Variants in SLC4A4 observed in about 807,000 individuals in gnomAD.
SLC4A4 encodes the protein electrogenic sodium bicarbonate cotransporter 1.
A neutral mutation model predicts 111.5 loss-of-function variants in SLC4A4; 27 were observed. The observed-to-expected ratio is 0.24, with a 90% CI of 0.18 to 0.33. SLC4A4 has a LOEUF of 0.33. Ranked by LOEUF, SLC4A4 falls within the 10% of genes least tolerant of loss-of-function variation. The pLI, the probability that SLC4A4 is intolerant of heterozygous loss-of-function variation, is 1.00. For missense variants in SLC4A4, 909 were observed against 1,315.5 expected (o/e 0.69, Z 4.78); for synonymous variants, 443 against 463.4 (o/e 0.96, Z 0.57).
chr4:71,191,900 G>A (rs1023031706), intron 1 of SLC4A4, among the ~76,000 whole-genome samples: 5 of 151,962 alleles, frequency 3.3e-5, no homozygotes, highest in East Asian at 1.9e-4. Flanking sequence ...AATTTAACTC[G>A]AATTTCTGTA....
intron 6 of SLC4A4, among the ~76,000 whole-genome samples, chr4:71,394,936 G>A (rs1719663654): frequency 6.6e-6 from 1 of 152,044 alleles, no homozygotes; most frequent in Admixed American, 6.6e-5. Flanking sequence ...AAGTGTGGGA[G>A]GGGGTGAGGG....
intron 3 of SLC4A4, among the ~76,000 whole-genome samples, chr4:71,295,533 T>G (rs561100239): frequency 6.6e-6 from 1 of 152,326 alleles, no homozygotes; most frequent in Admixed American, 6.5e-5. Flanking sequence ...GCCTTTTCTC[T>G]CCTGCCTTTT....
At position 71,349,898 on chromosome 4, in the gene SLC4A4, T is replaced by C. The variant is rs1317558056; in HGVS notation, c.390-14T>C. ...AACACTTTTAATTGCTCTTCACTAA[T>C]CTCATCTTCCTAGGTGGATCAAGTT... On this transcript the variant is annotated splice_polypyrimidine_tract_variant and intron_variant, in intron 4 of 25. Transcript: ENST00000264485. The C allele has an allele frequency of 3.7e-6, 6 of 1,613,870 alleles. No individual in the cohort carries two copies. Among genetic ancestry groups the C allele is most frequent in the Non-Finnish European group, 5.1e-6 (6 of 1,179,816 alleles).
chr4:71,303,449 C>A lies in SLC4A4; in HGVS notation c.254-35921C>A, dbSNP rs141065655. 3.9e-5 allele frequency among the ~76,000 whole-genome samples: 6 copies of A among 152,272 alleles called. No homozygotes were observed. In the East Asian group the frequency reaches 1.2e-3, roughly 29 times the overall value. Reference sequence around the variant, plus strand: ...GTTCATGCTTAAAGGCACTTTTTATCTTCTGTTGTCTTGCTAATGGACCTC... The same window carrying A: ...GTTCATGCTTAAAGGCACTTTTTATATTCTGTTGTCTTGCTAATGGACCTC... On this transcript the variant is annotated intron_variant, in intron 3 of 25. Transcript: ENST00000264485.
chr4:71,496,531 G>A (rs1374877389), intron 15 of SLC4A4, among the ~76,000 whole-genome samples: 2 of 151,912 alleles, frequency 1.3e-5, no homozygotes, highest in East Asian at 1.9e-4. Flanking sequence ...GTCAGTAATC[G>A]GCTATGAGAG....
At chr4:71,205,658 T>C (rs1310461327) in intron 1 of SLC4A4, among the ~76,000 whole-genome samples, 1 of 152,196 alleles carries the variant, frequency 6.6e-6, no homozygotes, top group Non-Finnish European at 1.5e-5. Flanking sequence ...GGTTCCCTTA[T>C]GGACCACAAA....
chr4:71,151,982 C>T (rs2148972429), intron 2 of SLC4A4, among the ~76,000 whole-genome samples: 1 of 151,890 alleles, frequency 6.6e-6, no homozygotes, highest in Non-Finnish European at 1.5e-5. Flanking sequence ...CATGATCATG[C>T]CACTGTACTC....
chr4:71,450,329 T>G, intron 9 of SLC4A4, 60 bp from the exon 10 acceptor site: 1 of 1,155,242 alleles, frequency 8.7e-7, no homozygotes, highest in Non-Finnish European at 1.3e-6. Context: ...AGGCTTGATA[T>G]GGTGTGAAGC....
chr4:71,514,078 T>C (rs1028464632), intron 16 of SLC4A4, among the ~76,000 whole-genome samples: 1 of 152,200 alleles, frequency 6.6e-6, no homozygotes, highest in African/African-American at 2.4e-5. Context: ...TTATCAGAAG[T>C]ATTGACCTGT....
intron 2 of SLC4A4, among the ~76,000 whole-genome samples, chr4:71,134,433 C>T (rs1743791123): frequency 6.6e-6 from 1 of 152,202 alleles, no homozygotes; most frequent in South Asian, 2.1e-4. Flanking sequence ...GTTGTCTACA[C>T]CAGTTTTCCT....
chr4:71,143,195 A>G lies in SLC4A4; in HGVS notation c.-2+50403A>G, dbSNP rs1243720988. Among the ~76,000 whole-genome samples, 12 of 151,606 alleles carry G rather than the reference A, an allele frequency of 7.9e-5. No homozygotes were observed. The East Asian group carries it at 1.2e-3, about 15-fold the overall frequency. On this transcript the variant is annotated intron_variant, in intron 2 of 26. Transcript: ENST00000649996. Reference sequence around the variant, plus strand: ...TTCCCACCTATGAGTGAGAACATGCAGTGTTTGGTTTTTTGTCCTTGTGAT... The same window carrying G: ...TTCCCACCTATGAGTGAGAACATGCGGTGTTTGGTTTTTTGTCCTTGTGAT...
At chr4:71,146,266 G>A (rs1244914727) in intron 2 of SLC4A4, among the ~76,000 whole-genome samples, 3 of 152,176 alleles carry the variant, frequency 2.0e-5, no homozygotes, top group African/African-American at 4.8e-5. Context: ...TTTTGAGTGA[G>A]TTTCTTAATT....
chr4:71,423,566 C>T (rs1211237935), intron 7 of SLC4A4, among the ~76,000 whole-genome samples: 2 of 152,154 alleles, frequency 1.3e-5, no homozygotes, highest in Non-Finnish European at 2.9e-5. Context: ...AAGCTGGAGG[C>T]ATCACACTAC....
At chr4:71,513,500 T>G (rs1299254007) in intron 16 of SLC4A4, among the ~76,000 whole-genome samples, 1 of 152,228 alleles carries the variant, frequency 6.6e-6, no homozygotes, top group Non-Finnish European at 1.5e-5. Context: ...TGTACTAATT[T>G]TTTTAATCAA....
chr4:71,360,229 C>T (rs1050490547), intron 6 of SLC4A4, among the ~76,000 whole-genome samples: 10 of 151,990 alleles, frequency 6.6e-5, no homozygotes, highest in Non-Finnish European at 1.0e-4. Context: ...AATAGTGTGC[C>T]GTTGTGCATC....
intron 2 of SLC4A4, among the ~76,000 whole-genome samples, chr4:71,172,344 C>T (rs1418594794): frequency 6.6e-6 from 1 of 151,930 alleles, no homozygotes; most frequent in Non-Finnish European, 1.5e-5. Context: ...CAACCTCTGC[C>T]TCATGGGTTC....
At chr4:71,553,103 T>C (rs1189473710) in intron 20 of SLC4A4, among the ~76,000 whole-genome samples, 1 of 151,880 alleles carries the variant, frequency 6.6e-6, no homozygotes, top group Non-Finnish European at 1.5e-5. Context: ...ATAAGGAAAA[T>C]GGCAAATTTC....
intron 2 of SLC4A4, among the ~76,000 whole-genome samples, chr4:71,244,495 A>T (rs1720485793): frequency 6.6e-6 from 1 of 152,216 alleles, no homozygotes; most frequent in South Asian, 2.1e-4. Flanking sequence ...TGTACAAGAT[A>T]GAATTTGCAC....
At chr4:71,476,984 T>C (rs534968420) in intron 14 of SLC4A4, among the ~76,000 whole-genome samples, 1 of 151,828 alleles carries the variant, frequency 6.6e-6, no homozygotes, top group African/African-American at 2.4e-5. Flanking sequence ...AAAACGATAA[T>C]TTAGTTCAAA....
Sources: gnomAD v4.1 joint callset for allele counts (sites outside exome capture counted in the v4.1 genomes callset) on GRCh38, gnomAD v4.1.1 for gene constraint, MANE v1.5 for transcripts, NCBI Gene and HGNC (gene_info 2026-07-23, HGNC 2026-07-21) for gene names.